Variants in FREM1 observed in about 807,000 individuals in gnomAD.
FREM1 encodes the protein FRAS1 related extracellular matrix 1.
In FREM1, 220 loss-of-function variants were observed where a neutral mutation model predicts 210.1. That is an observed-to-expected ratio of 1.05 (90% CI 0.94 to 1.17). The LOEUF (loss-of-function observed/expected upper bound fraction) is 1.17, where lower values mean the gene tolerates loss of function less well. FREM1 is among the 50% of genes most tolerant of loss of function. The pLI, the probability that FREM1 is intolerant of heterozygous loss-of-function variation, is 0.00. For missense variants in FREM1, 3,454 were observed against 2,675.5 expected (o/e 1.29, Z -6.42); for synonymous variants, 1,189 against 980.2 (o/e 1.21, Z -3.98).
chr9:14,791,009 T>C (rs2291680), intron 22 of FREM1: 82,138 of 152,004 alleles, frequency 0.54, 22,412 homozygotes, highest in South Asian at 0.69. Flanking sequence ...CTGTTCCACA[T>C]AGAATGAATT....
intron 10 of FREM1, among the ~76,000 whole-genome samples, chr9:14,835,669 G>A (rs772427500): frequency 3.9e-5 from 6 of 152,128 alleles, no homozygotes; most frequent in South Asian, 2.1e-4. Context: ...GGCTGGGCTC[G>A]GCTTTAAAAG....
intron 31 of FREM1, 68 bp downstream of exon 31, chr9:14,748,333 T>A: frequency 1.1e-6 from 1 of 894,556 alleles, no homozygotes; most frequent in Non-Finnish European, 1.7e-6. Flanking sequence ...TCAGAATACT[T>A]ATTAATATCT....
chr9:14,886,644 C>G (rs1163191851), intron 1 of FREM1, among the ~76,000 whole-genome samples: 1 of 151,626 alleles, frequency 6.6e-6, no homozygotes, highest in Non-Finnish European at 1.5e-5. Context: ...TCCTTTAATC[C>G]CAACATTTTG....
intron 29 of FREM1, among the ~76,000 whole-genome samples, chr9:14,755,566 C>A (rs552099590): frequency 1.6e-4 from 24 of 152,348 alleles, no homozygotes; most frequent in African/African-American, 5.5e-4. Context: ...TGAGGCAGAG[C>A]TACCTGTCCC....
rs545869518 is a variant in FREM1 at position 14,883,261 on chromosome 9, G to C, written c.-267-14017C>G. ...AAACAACCTGAAGCAACACAGTTAGGAGGGGGGAAAAGTACAAGAGTAACA... is the reference window on the plus strand; with the variant it reads ...AAACAACCTGAAGCAACACAGTTAGCAGGGGGGAAAAGTACAAGAGTAACA... On this transcript the variant is annotated intron_variant, in intron 1 of 36. Transcript: ENST00000380880. Among the ~76,000 whole-genome samples the C allele has an allele frequency of 1.5e-3, 229 of 152,138 alleles. 2 individuals carry two copies. Among genetic ancestry groups the C allele is most frequent in the Admixed American group, 2.4e-3 (36 of 15,284 alleles).
chr9:14,856,856 AT>A (rs927727432), intron 5 of FREM1, among the ~76,000 whole-genome samples: 2 of 150,112 alleles, frequency 1.3e-5, no homozygotes, highest in African/African-American at 2.4e-5. Flanking sequence ...AAAAAAAAAA[AT>A]CTCAGCTGTT....
intron 5 of FREM1, 98 bp downstream of exon 5, chr9:14,857,455 G>T: frequency 9.6e-7 from 1 of 1,045,000 alleles, no homozygotes; most frequent in Non-Finnish European, 1.5e-6. Flanking sequence ...AAAAGCACAG[G>T]AACTCTCCCT....
At chr9:14,825,571 A>ATATATATATATATATATAT (rs1822291249) in intron 10 of FREM1, among the ~76,000 whole-genome samples, 2 of 141,068 alleles carry the variant, frequency 1.4e-5, no homozygotes, top group Non-Finnish European at 3.1e-5. Context: ...ATATATATAT[A>ATATATATATATATATATAT]CCACAATTAT....
intron 13 of FREM1, 98 bp from the exon 14 acceptor site, chr9:14,819,540 A>T (rs1282332356): frequency 1.4e-5 from 9 of 645,608 alleles, no homozygotes; most frequent in Non-Finnish European, 2.3e-5. Context: ...TATTATCTTC[A>T]CATGCAAACT....
At chr9:14,882,111 T>TTG (rs59804222) in intron 1 of FREM1, among the ~76,000 whole-genome samples, 55 of 151,586 alleles carry the variant, frequency 3.6e-4, no homozygotes, top group African/African-American at 1.1e-3. Context: ...TGTTATTATT[T>TTG]TGTGTGTGTG....
intron 29 of FREM1, among the ~76,000 whole-genome samples, chr9:14,752,968 T>C (rs1843655632): frequency 6.6e-6 from 1 of 152,224 alleles, no homozygotes; most frequent in Non-Finnish European, 1.5e-5. Context: ...TTTAAGTGCT[T>C]CTGATTTGTT....
At chr9:14,895,388 T>C (rs1837525801) in intron 1 of FREM1, among the ~76,000 whole-genome samples, 2 of 152,158 alleles carry the variant, frequency 1.3e-5, no homozygotes, top group Admixed American at 1.3e-4. Context: ...GTTTTTTGAG[T>C]ATTTTTCTGC....
intron 1 of FREM1, among the ~76,000 whole-genome samples, chr9:14,885,797 T>G (rs546410779): frequency 6.6e-6 from 1 of 152,338 alleles, no homozygotes; most frequent in South Asian, 2.1e-4. Flanking sequence ...CAATGTGAAA[T>G]AGCTAAATCA....
chr9:14,876,895 C>G (rs771647035), intron 1 of FREM1, among the ~76,000 whole-genome samples: 2 of 152,146 alleles, frequency 1.3e-5, no homozygotes, highest in African/African-American at 2.4e-5. Flanking sequence ...TGGCATCTAA[C>G]GCAACAGCAC....
At position 14,865,749 on chromosome 9, in the gene FREM1, C is replaced by A. The variant is rs188983555; in HGVS notation, c.235-1846G>T. The stretch of plus-strand genomic sequence containing the variant: ...TTCTAAAACTCCATAAGGAACGAAC[C>A]CCTAGGGAAGGACTGAACCAGCCTG... On this transcript the variant is annotated intron_variant, in intron 2 of 36. Transcript: ENST00000380880. Among the ~76,000 whole-genome samples the A allele has an allele frequency of 2.0e-5, 3 of 151,360 alleles. No homozygotes were observed. In the East Asian group the frequency reaches 5.8e-4, roughly 29 times the overall value.
At chr9:14,771,707 G>A (rs1847606075) in intron 25 of FREM1, among the ~76,000 whole-genome samples, 1 of 152,078 alleles carries the variant, frequency 6.6e-6, no homozygotes, top group Admixed American at 6.5e-5. Context: ...TGATACTACT[G>A]TAAATCTTAG....
chr9:14,861,531 G>A (rs1387847669), intron 3 of FREM1, among the ~76,000 whole-genome samples: 1 of 125,242 alleles, frequency 8.0e-6, no homozygotes, highest in Non-Finnish European at 1.6e-5. Flanking sequence ...TTTTGAGACA[G>A]AGTCTCACTC....
chr9:14,823,470 A>T (rs1821751825), intron 12 of FREM1, 143 bp from the exon 13 acceptor site: 1 of 721,492 alleles, frequency 1.4e-6, no homozygotes, highest in Non-Finnish European at 2.2e-6. Flanking sequence ...CAAAAGCTCT[A>T]TTTTTACTTC....
intron 1 of FREM1, among the ~76,000 whole-genome samples, chr9:14,894,923 G>C (rs1415083552): frequency 6.6e-6 from 1 of 152,164 alleles, no homozygotes; most frequent in Non-Finnish European, 1.5e-5. Flanking sequence ...TTTCCTTTAA[G>C]GAATTAAACT....
Sources: gnomAD v4.1 joint callset for allele counts (sites outside exome capture counted in the v4.1 genomes callset) on GRCh38, gnomAD v4.1.1 for gene constraint, MANE v1.5 for transcripts, NCBI Gene and HGNC (gene_info 2026-07-23, HGNC 2026-07-21) for gene names.